The following RALYL variants were observed in gnomAD, a reference collection of about 807,000 sequenced individuals.
RALYL encodes RALY RNA binding protein like, also known as RNA-binding Raly-like protein.
In RALYL, 29 loss-of-function variants were observed where a neutral mutation model predicts 35.1. The observed-to-expected ratio is 0.83, with a 90% confidence interval of 0.61 to 1.13. The LOEUF is 1.13. Ranked by LOEUF, RALYL falls within the 50% of genes most tolerant of loss-of-function variation. The probability of loss-of-function intolerance (pLI) is 0.00; values close to 1 mark genes in which losing one functional copy is unlikely to be tolerated. For synonymous variants in RALYL, 120 were observed against 127.6 expected, an observed-to-expected ratio of 0.94 and a Z score of 0.40; for missense variants, 359 against 360.4, an observed-to-expected ratio of 1.00 and a Z score of 0.03.
intron 1 of RALYL, among the ~76,000 whole-genome samples, chr8:84,442,114 A>G (rs1048663789): frequency 6.6e-6 from 1 of 152,130 alleles, no homozygotes; most frequent in Non-Finnish European, 1.5e-5. Context: ...TGGAGGAAGA[A>G]CCATGGAAAT....
At chr8:84,294,895 TTCTC>T (rs1055205902) in intron 1 of RALYL, among the ~76,000 whole-genome samples, 35 of 152,148 alleles carry the variant, frequency 2.3e-4, no homozygotes, top group African/African-American at 8.2e-4. Flanking sequence ...ATAATTGACT[TTCTC>T]TGGGGTTGGC....
intron 1 of RALYL, among the ~76,000 whole-genome samples, chr8:84,517,912 A>AATCTCAAG (rs1342983277): frequency 1.3e-5 from 2 of 152,184 alleles, no homozygotes; most frequent in Non-Finnish European, 2.9e-5. Context: ...TAAAGATGGG[A>AATCTCAAG]ATCTCAAGAT....
At chr8:84,299,935 G>A in intron 1 of RALYL, among the ~76,000 whole-genome samples, 1 of 152,028 alleles carries the variant, frequency 6.6e-6, no homozygotes, top group Non-Finnish European at 1.5e-5. Context: ...TCTTTGGAAT[G>A]GATTTTTGTG....
At chr8:84,292,108 T>G (rs543202285) in intron 1 of RALYL, among the ~76,000 whole-genome samples, 250 of 152,098 alleles carry the variant, frequency 1.6e-3, no homozygotes, top group African/African-American at 5.8e-3. Context: ...ATTTTGGATA[T>G]AATAAAATGT....
Position 84,247,533 on chromosome 8 carries a change from T to TA in RALYL, c.-24+63121dup, listed in dbSNP as rs370042597. On this transcript the variant is annotated intron_variant, in intron 1 of 8. Coordinates refer to ENST00000521268, the MANE Select transcript of RALYL (RefSeq NM_173848.7). ...ACAATTTAATGACACATTTTAAATT[T>TA]AAAAAAAAAAAAGAAAAAAAAACTT... Among the ~76,000 whole-genome samples, 321 of 140,412 alleles carry TA rather than the reference T, an allele frequency of 2.3e-3. 1 individual carries two copies. Among genetic ancestry groups the TA allele is most frequent in the African/African-American group, 6.0e-3 (229 of 38,422 alleles). The allele number at this position is 140,412 out of a possible 152,430, so 92.1% of individuals were successfully genotyped here.
chr8:84,652,307 A>G (rs895527492), intron 2 of RALYL, among the ~76,000 whole-genome samples: 1 of 152,106 alleles, frequency 6.6e-6, no homozygotes, highest in Non-Finnish European at 1.5e-5. Context: ...AGCGTAATAG[A>G]TACTATATTT....
intron 2 of RALYL, among the ~76,000 whole-genome samples, chr8:84,743,971 A>G (rs1367224633): frequency 1.3e-5 from 2 of 152,016 alleles, no homozygotes; most frequent in African/African-American, 4.8e-5. Flanking sequence ...GTTTAATGGT[A>G]TGGAGTTTCA....
At chr8:84,618,060 T>G (rs1227762038) in intron 2 of RALYL, among the ~76,000 whole-genome samples, 1 of 151,828 alleles carries the variant, frequency 6.6e-6, no homozygotes, top group Non-Finnish European at 1.5e-5. Context: ...TTCTCTTTTT[T>G]GGTTGTGTCT....
Position 84,385,729 on chromosome 8 carries a change from TGCACC to T in RALYL, c.-23-143569_-23-143565del, listed in dbSNP as rs200306244. Among the ~76,000 whole-genome samples, 1,143 of 151,992 alleles carry T rather than the reference TGCACC, an allele frequency of 7.5e-3. 5 individuals carry two copies. Among genetic ancestry groups the T allele is most frequent in the Middle Eastern group, 0.024 (7 of 294 alleles). ...TTTGCCACTGTATGGCTTTCCTAGCTGCACCTGACAGGGCTAGCTAGCCTTTGATG... is the reference window on the plus strand; with the variant it reads ...TTTGCCACTGTATGGCTTTCCTAGCTTGACAGGGCTAGCTAGCCTTTGATG... On this transcript the variant is annotated intron_variant, in intron 1 of 8. Coordinates refer to ENST00000521268, the MANE Select transcript of RALYL (RefSeq NM_173848.7).
At chr8:84,291,971 T>C (rs1044599785) in intron 1 of RALYL, among the ~76,000 whole-genome samples, 1 of 150,506 alleles carries the variant, frequency 6.6e-6, no homozygotes, top group Non-Finnish European at 1.5e-5. Context: ...ATTAGGAATA[T>C]ATATTAGCTA....
intron 1 of RALYL, among the ~76,000 whole-genome samples, chr8:84,219,882 G>T (rs980059322): frequency 6.6e-6 from 1 of 151,954 alleles, no homozygotes; most frequent in African/African-American, 2.4e-5. Flanking sequence ...TAGATAGATA[G>T]TTAGAAATGA....
At chr8:84,852,782 A>G (rs1350070337) in intron 5 of RALYL, among the ~76,000 whole-genome samples, 1 of 152,174 alleles carries the variant, frequency 6.6e-6, no homozygotes, top group Non-Finnish European at 1.5e-5. Context: ...CAAGTTTATT[A>G]AGAAAGAAAG....
At chr8:84,678,594 G>A (rs1285700056) in intron 2 of RALYL, among the ~76,000 whole-genome samples, 1 of 152,080 alleles carries the variant, frequency 6.6e-6, no homozygotes, top group Non-Finnish European at 1.5e-5. Flanking sequence ...ATGCAAACAA[G>A]CATATGATAA....
chr8:84,244,209 A>T (rs1211387158), intron 1 of RALYL, among the ~76,000 whole-genome samples: 15 of 152,182 alleles, frequency 9.9e-5, no homozygotes, highest in Admixed American at 5.9e-4. Flanking sequence ...GGATGAGTAT[A>T]TTAAGATTCA....
chr8:84,469,080 T>G (rs1425274832), intron 1 of RALYL, among the ~76,000 whole-genome samples: 1 of 152,160 alleles, frequency 6.6e-6, no homozygotes, highest in East Asian at 1.9e-4. Flanking sequence ...CTTCTTTGCC[T>G]TCGGTTTGAA....
At chr8:84,382,938 T>C (rs73688491) in intron 1 of RALYL, among the ~76,000 whole-genome samples, 4,997 of 151,930 alleles carry the variant, frequency 0.033, 277 homozygotes, top group African/African-American at 0.11. Flanking sequence ...AGAGTGTTTA[T>C]TAATTTGTTT....
rs377600771 is a variant in RALYL at position 84,356,801 on chromosome 8, C to G, written c.-24+172377C>G. Among the ~76,000 whole-genome samples the G allele has an allele frequency of 1.1e-3, 168 of 150,332 alleles. 7 individuals carry two copies. In the South Asian group the frequency reaches 0.033, roughly 30 times the overall value. On this transcript the variant is annotated intron_variant, in intron 1 of 8. Transcript: ENST00000521268. ...ACCTAACAAGAAAAAATGTTATGCT[C>G]TCTTTGTCATAACACAGTAAAATAA...
chr8:84,536,813 C>G (rs2059641911), intron 2 of RALYL, among the ~76,000 whole-genome samples: 2 of 152,180 alleles, frequency 1.3e-5, no homozygotes, highest in African/African-American at 4.8e-5. Context: ...AAAACTTCCA[C>G]TCTCGAAGAT....
At chr8:84,416,521 G>GA (rs1376906696) in intron 1 of RALYL, among the ~76,000 whole-genome samples, 3 of 152,164 alleles carry the variant, frequency 2.0e-5, no homozygotes, top group East Asian at 3.9e-4. Context: ...GGAACTGAAA[G>GA]AAAAAGAGGG....
Sources: gnomAD v4.1 joint callset for allele counts (sites outside exome capture counted in the v4.1 genomes callset) on GRCh38, gnomAD v4.1.1 for gene constraint, MANE v1.5 for transcripts, NCBI Gene and HGNC (gene_info 2026-07-23, HGNC 2026-07-21) for gene names.